NUP98: variants seen among roughly 807,000 people sequenced by gnomAD.
NUP98 encodes the protein nuclear pore complex protein Nup98-Nup96.
Under a neutral mutation model 191.9 loss-of-function variants are expected in NUP98, and 26 were observed. The ratio of observed to expected loss-of-function variants is 0.14; its 90% CI spans 0.10 to 0.19. The LOEUF (loss-of-function observed/expected upper bound fraction) is 0.19. Among genes scored for constraint, NUP98 ranks in the 10% least tolerant of loss-of-function variants. NUP98 has a pLI of 1.00. For synonymous variants in NUP98, 808 were observed against 778.4 expected (o/e 1.04, Z -0.63); for missense variants, 1,941 against 2,178.8 (o/e 0.89, Z 2.17).
chr11:3,685,434 G>A (rs150624184), intron 29 of NUP98, among the ~76,000 whole-genome samples: 2 of 152,192 alleles, frequency 1.3e-5, no homozygotes, highest in Non-Finnish European at 2.9e-5. Context: ...CTTCCCTGCC[G>A]TGGAGTCACT....
chr11:3,713,698 AAC>A, intron 19 of NUP98, 118 bp downstream of exon 19: 1 of 964,458 alleles, frequency 1.0e-6, no homozygotes. Flanking sequence ...CAGCCTGAGC[AAC>A]AGAGCAAGAA....
intron 31 of NUP98, among the ~76,000 whole-genome samples, chr11:3,678,187 A>C (rs1338711245): frequency 6.6e-6 from 1 of 152,008 alleles, no homozygotes; most frequent in South Asian, 2.1e-4. Flanking sequence ...TATGTAAAAC[A>C]CTTCATGTAG....
rs190227822 is a variant in NUP98, at chr11:3,775,360, T to A, written c.495+522A>T. On this transcript the variant is annotated intron_variant, in intron 5 of 32. Transcript: ENST00000324932. The stretch of plus-strand genomic sequence containing the variant: ...GCCTGGCCACCATGGTGAAACGCCA[T>A]CTCTACTACAAAAAACTACAAAAAA... Among the ~76,000 whole-genome samples, 670 of 152,040 alleles carry A rather than the reference T, an allele frequency of 4.4e-3. 2 individuals are homozygous for A. Among genetic ancestry groups the A allele is most frequent in the African/African-American group, 0.014 (578 of 41,470 alleles).
intron 11 of NUP98, among the ~76,000 whole-genome samples, chr11:3,752,480 G>A (rs951035266): frequency 6.6e-6 from 1 of 151,568 alleles, no homozygotes; most frequent in Non-Finnish European, 1.5e-5. Flanking sequence ...CTGCACCACT[G>A]CACTCCAGCC....
chr11:3,773,944 A>T (rs532930042), intron 5 of NUP98, among the ~76,000 whole-genome samples: 1 of 152,350 alleles, frequency 6.6e-6, no homozygotes, highest in East Asian at 1.9e-4. Flanking sequence ...TCTTAGTAAC[A>T]AAGTAATCAC....
intron 18 of NUP98, among the ~76,000 whole-genome samples, chr11:3,718,789 A>G (rs1424358999): frequency 6.6e-6 from 1 of 152,226 alleles, no homozygotes; most frequent in Non-Finnish European, 1.5e-5. Context: ...GCAAAATACT[A>G]TTAAAAAGAG....
intron 13 of NUP98, among the ~76,000 whole-genome samples, chr11:3,733,742 G>C (rs1419888185): frequency 1.2e-4 from 19 of 152,136 alleles, no homozygotes; most frequent in Admixed American, 1.2e-3. Flanking sequence ...ATTCGTCATT[G>C]ATAGACACTC....
chr11:3,687,818 T>G (rs61879790), intron 28 of NUP98, among the ~76,000 whole-genome samples: 14,291 of 144,554 alleles, frequency 0.099, 852 homozygotes, highest in Middle Eastern at 0.15. Flanking sequence ...TCCCAGCACT[T>G]TGGGAAGCCA....
chr11:3,727,060 G>A (rs1401098145), intron 14 of NUP98, among the ~76,000 whole-genome samples: 1 of 152,134 alleles, frequency 6.6e-6, no homozygotes, highest in Non-Finnish European at 1.5e-5. Context: ...ATTGTACTCA[G>A]TTAGAAATTA....
chr11:3,745,795 T>G (rs1031831238), intron 11 of NUP98, among the ~76,000 whole-genome samples: 6 of 152,040 alleles, frequency 3.9e-5, no homozygotes, highest in Admixed American at 3.9e-4. Flanking sequence ...TTGAAACAAA[T>G]ACCGTTTACC....
rs144936005 is a variant in NUP98 at position 3,746,294 on chromosome 11, A to AAAAAAAAAAAAAAG, written c.1268-1646_1268-1645insCTTTTTTTTTTTTT. On this transcript the variant is annotated intron_variant, in intron 11 of 32. Coordinates refer to ENST00000324932, the MANE Select transcript of NUP98 (RefSeq NM_016320.5). ...CAAAAAAAAAAAAAAAAAAAAAAAA[A>AAAAAAAAAAAAAAG]GACAGCTTTGGGACAAAGAATAAGA... 3.1e-4 allele frequency among the ~76,000 whole-genome samples: 29 copies of AAAAAAAAAAAAAAG among 93,082 alleles called. 5 individuals are homozygous for AAAAAAAAAAAAAAG. The highest frequency in any genetic ancestry group is 8.0e-4 in the African/African-American group (16 of 19,954). The allele number at this position is 93,082 out of a possible 152,430, so 61.1% of individuals were successfully genotyped here. A position where few individuals can be genotyped will look rare whatever the true frequency, so the allele number is the denominator to read the frequency against.
At chr11:3,769,717 G>T (rs1050629915) in intron 7 of NUP98, among the ~76,000 whole-genome samples, 1 of 152,012 alleles carries the variant, frequency 6.6e-6, no homozygotes, top group Non-Finnish European at 1.5e-5. Flanking sequence ...AGACCAGCAT[G>T]GCCAATATGG....
intron 2 of NUP98, among the ~76,000 whole-genome samples, chr11:3,779,532 T>C (rs1468055911): frequency 4.6e-5 from 7 of 151,366 alleles, no homozygotes; most frequent in Non-Finnish European, 1.0e-4. Context: ...TCCCAGCTAC[T>C]AGGGAGGCTG....
intron 14 of NUP98, among the ~76,000 whole-genome samples, chr11:3,730,062 C>T (rs547026271): frequency 1.4e-4 from 22 of 151,934 alleles, no homozygotes; most frequent in Non-Finnish European, 3.1e-4. Context: ...GCCAACATGG[C>T]GAAACCCCAT....
Position 3,750,611 on chromosome 11 carries a change from A to C in NUP98, c.1267+2705T>G, listed in dbSNP as rs189755318. Among the ~76,000 whole-genome samples, 150 of 152,006 alleles carry C rather than the reference A, an allele frequency of 9.9e-4. 2 individuals are homozygous for C. In the East Asian group the frequency reaches 0.026, roughly 26 times the overall value. On this transcript the variant is annotated intron_variant, in intron 11 of 32. Coordinates refer to ENST00000324932, the MANE Select transcript of NUP98 (RefSeq NM_016320.5). ...AGTTTCATAAAAGGATACTAACCTT[A>C]ACATTTTAAATGTTTTTTTTTTGTT...
chr11:3,702,837 G>C lies in NUP98; in HGVS notation c.3138C>G (p.Val1046=). Reference sequence around the variant, plus strand: ...TGGGAGTACGACATTCTTGCACAGAGACACTTGGTGAAAGAAAAGCTCCAC... The same window carrying C: ...TGGGAGTACGACATTCTTGCACAGACACACTTGGTGAAAGAAAAGCTCCAC... ...FTSGAFLSPS[V]SVQECRTPRA... is the part of the protein sequence containing the mutation. The change falls in exon 23 of 33, where the codon GTC becomes GTG. Residue 1046 remains valine (V), a synonymous_variant. Transcript: ENST00000324932. 6 of 1,613,750 alleles carry C rather than the reference G, an allele frequency of 3.7e-6. No homozygotes were observed. Among genetic ancestry groups the C allele is most frequent in the Non-Finnish European group, 5.1e-6 (6 of 1,179,844 alleles).
At chr11:3,723,024 T>C (rs1589808989) in intron 16 of NUP98, 133 bp downstream of exon 16, 1 of 744,004 alleles carries the variant, frequency 1.3e-6, no homozygotes, top group Non-Finnish European at 2.2e-6. Context: ...AATATTAAGC[T>C]CTCCTATGTG....
At chr11:3,707,733 T>G in intron 20 of NUP98, among the ~76,000 whole-genome samples, 1 of 4,962 alleles carries the variant, frequency 2.0e-4, no homozygotes, top group Admixed American at 1.6e-3. Context: ...AATGAGACTC[T>G]GTCTCAAAAA....
intron 9 of NUP98, among the ~76,000 whole-genome samples, chr11:3,762,457 G>A (rs772232527): frequency 3.3e-5 from 5 of 151,926 alleles, no homozygotes; most frequent in Non-Finnish European, 5.9e-5. Context: ...ACAATAGCAA[G>A]TTCAAAGTTT....
Sources: allele counts gnomAD v4.1 joint callset (sites outside exome capture counted in the v4.1 genomes callset), GRCh38; gene constraint gnomAD v4.1.1; transcripts MANE v1.5; gene names NCBI Gene and HGNC (gene_info 2026-07-23, HGNC 2026-07-21).